The following PAPSS1 variants were observed in gnomAD, a reference collection of about 807,000 sequenced individuals.
PAPSS1 encodes 3'-phosphoadenosine 5'-phosphosulfate synthase 1.
In PAPSS1, 50 loss-of-function variants were observed where a neutral mutation model predicts 72.0. That is an observed-to-expected ratio of 0.69 (90% CI 0.55 to 0.88). The LOEUF is 0.88. Ranked by LOEUF, PAPSS1 falls within the 40% of genes least tolerant of loss-of-function variation. The pLI is 0.00. For missense variants in PAPSS1, 657 were observed against 782.2 expected (o/e 0.84, Z 1.91); for synonymous variants, 261 against 263.6 (o/e 0.99, Z 0.09).
chr4:107,629,554 AG>A (rs373144801), intron 11 of PAPSS1, among the ~76,000 whole-genome samples: 195 of 152,320 alleles, frequency 1.3e-3, no homozygotes, highest in African/African-American at 4.4e-3. Flanking sequence ...ACAAGAGCAA[AG>A]CTTTCAATGG....
At chr4:107,692,094 C>G (rs758445492) in intron 3 of PAPSS1, among the ~76,000 whole-genome samples, 3 of 151,964 alleles carry the variant, frequency 2.0e-5, no homozygotes, top group Non-Finnish European at 4.4e-5. Context: ...AAACCCTAGA[C>G]GAAAATCTAG....
intron 1 of PAPSS1, among the ~76,000 whole-genome samples, chr4:107,703,995 CCTTTT>C (rs1723274028): frequency 6.6e-6 from 1 of 152,064 alleles, no homozygotes; most frequent in South Asian, 2.1e-4. Context: ...TACAATGTTT[CCTTTT>C]ATTTCTGTCT....
chr4:107,616,540 T>C (rs1725828368), intron 11 of PAPSS1, among the ~76,000 whole-genome samples: 2 of 152,290 alleles, frequency 1.3e-5, no homozygotes, highest in South Asian at 4.1e-4. Context: ...TGGTGAAATA[T>C]GAAAGGATAA....
chr4:107,700,435 A>G (rs1723176377), intron 2 of PAPSS1, among the ~76,000 whole-genome samples: 1 of 152,242 alleles, frequency 6.6e-6, no homozygotes, highest in African/African-American at 2.4e-5. Context: ...TAGGGAAACA[A>G]TCAAAGGCCA....
intron 3 of PAPSS1, among the ~76,000 whole-genome samples, chr4:107,690,096 T>A (rs896914026): frequency 6.6e-6 from 1 of 152,174 alleles, no homozygotes; most frequent in African/African-American, 2.4e-5. Context: ...CTGGCTAGTC[T>A]CCTACCTCCA....
chr4:107,621,436 T>TAA (rs1305938236), intron 11 of PAPSS1, among the ~76,000 whole-genome samples: 1 of 152,080 alleles, frequency 6.6e-6, no homozygotes, highest in African/African-American at 2.4e-5. Context: ...ACATAGGTGT[T>TAA]AATTTTCTCT....
At position 107,644,955 on chromosome 4, in the gene PAPSS1, G is replaced by T; in HGVS notation, c.1353C>A (p.Leu451=). The T allele has an allele frequency of 6.2e-7, 1 of 1,613,876 alleles. No homozygotes were observed. Among genetic ancestry groups the T allele is most frequent in the Non-Finnish European group, 8.5e-7 (1 of 1,179,808 alleles). Residue 451 remains leucine (L), a synonymous_variant, in exon 10 of 12, where the codon CTC becomes CTA. Transcript: ENST00000265174. ...ERGYRRPVLL[L]HPLGGWTKDD... ...CCTTTGTCCAGCCACCCAGAGGGTG[G>T]AGGAGGAGGACAGGGCGCCGGTAGC...
At chr4:107,708,773 T>C (rs139977006) in intron 1 of PAPSS1, among the ~76,000 whole-genome samples, 5 of 152,322 alleles carry the variant, frequency 3.3e-5, no homozygotes, top group Admixed American at 2.6e-4. Context: ...GGTTTATGTA[T>C]GTTTGATATT....
At chr4:107,676,032 C>T (rs1727634503) in intron 5 of PAPSS1, among the ~76,000 whole-genome samples, 1 of 152,264 alleles carries the variant, frequency 6.6e-6, no homozygotes, top group African/African-American at 2.4e-5. Flanking sequence ...TGGGACGTAT[C>T]TCAAAATAAT....
intron 2 of PAPSS1, among the ~76,000 whole-genome samples, chr4:107,695,618 G>C (rs1421975040): frequency 6.6e-6 from 1 of 152,112 alleles, no homozygotes; most frequent in Non-Finnish European, 1.5e-5. Flanking sequence ...TATGATATTG[G>C]CTATGGGTTT....
At chr4:107,705,019 A>T (rs1723299450) in intron 1 of PAPSS1, among the ~76,000 whole-genome samples, 1 of 151,988 alleles carries the variant, frequency 6.6e-6, no homozygotes, top group Non-Finnish European at 1.5e-5. Flanking sequence ...CCCACTTGAT[A>T]AGGAGGAATG....
chr4:107,720,017 G>GA, intron 1 of PAPSS1, 103 bp downstream of exon 1: 2 of 1,548,324 alleles, frequency 1.3e-6, no homozygotes, highest in South Asian at 2.3e-5. Context: ...CGCGCTCCTG[G>GA]AAGGATGGAT....
At chr4:107,616,148 TA>T (rs1312064883) in intron 11 of PAPSS1, among the ~76,000 whole-genome samples, 25 of 148,040 alleles carry the variant, frequency 1.7e-4, no homozygotes, top group Non-Finnish European at 2.0e-4. Context: ...TTGTTGGGGT[TA>T]AAAAAAAAAG....
At chr4:107,624,373 T>C (rs1414676240) in intron 11 of PAPSS1, among the ~76,000 whole-genome samples, 1 of 152,242 alleles carries the variant, frequency 6.6e-6, no homozygotes, top group East Asian at 1.9e-4. Flanking sequence ...AGTGGTTTAC[T>C]ATCTGTCTTC....
At chr4:107,680,093 C>T (rs934875745) in intron 5 of PAPSS1, among the ~76,000 whole-genome samples, 1 of 151,832 alleles carries the variant, frequency 6.6e-6, no homozygotes, top group Non-Finnish European at 1.5e-5. Context: ...TATTATTCAA[C>T]ATATGTGTAA....
chr4:107,640,496 G>A (rs1044984235), intron 10 of PAPSS1, among the ~76,000 whole-genome samples: 1 of 151,814 alleles, frequency 6.6e-6, no homozygotes, highest in African/African-American at 2.4e-5. Context: ...TTATTAGTTG[G>A]CAAATAAGCA....
chr4:107,693,728 C>G, intron 3 of PAPSS1, 43 bp downstream of exon 3: 2 of 1,385,736 alleles, frequency 1.4e-6, no homozygotes, highest in Non-Finnish European at 2.1e-6. Flanking sequence ...ACCATATTCT[C>G]AATAAATGTA....
chr4:107,679,722 AG>A (rs1351108284), intron 5 of PAPSS1, among the ~76,000 whole-genome samples: 1 of 151,132 alleles, frequency 6.6e-6, no homozygotes. Context: ...TCTGTCACCC[AG>A]GCTGGAGAGC....
At chr4:107,716,524 G>A (rs1392851375) in intron 1 of PAPSS1, among the ~76,000 whole-genome samples, 1 of 152,154 alleles carries the variant, frequency 6.6e-6, no homozygotes, top group Non-Finnish European at 1.5e-5. Context: ...CCACTGTAAG[G>A]CAGGTCCAAC....
Sources: allele counts gnomAD v4.1 joint callset (sites outside exome capture counted in the v4.1 genomes callset), GRCh38; gene constraint gnomAD v4.1.1; transcripts MANE v1.5; gene names NCBI Gene and HGNC (gene_info 2026-07-23, HGNC 2026-07-21).